AMPH: variants seen among roughly 807,000 people sequenced by gnomAD.
AMPH encodes amphiphysin (Stiff-Mann syndrome with breast cancer 128kD autoantigen).
AMPH carries 49 observed loss-of-function variants against 99.1 expected under a neutral mutation model. The ratio of observed to expected loss-of-function variants is 0.49; its 90% CI spans 0.39 to 0.63. The LOEUF (loss-of-function observed/expected upper bound fraction) is 0.63. AMPH is among the 20% of genes least tolerant of loss of function. AMPH has a pLI of 0.00. For synonymous variants in AMPH, 314 were observed against 317.3 expected (o/e 0.99, Z 0.11); for missense variants, 759 against 863.4 (o/e 0.88, Z 1.52).
chr7:38,506,946 A>T (rs1789349928), intron 2 of AMPH, among the ~76,000 whole-genome samples: 1 of 152,188 alleles, frequency 6.6e-6, no homozygotes, highest in African/African-American at 2.4e-5. Context: ...ACCCAGAAGG[A>T]TGTGTTCCCT....
chr7:38,578,767 C>T (rs1792337534), intron 1 of AMPH, among the ~76,000 whole-genome samples: 1 of 152,080 alleles, frequency 6.6e-6, no homozygotes, highest in African/African-American at 2.4e-5. Flanking sequence ...GACCCTGTTT[C>T]TAAAAAATAC....
intron 2 of AMPH, among the ~76,000 whole-genome samples, chr7:38,516,516 T>A (rs1040673550): frequency 6.6e-6 from 1 of 152,188 alleles, no homozygotes; most frequent in South Asian, 2.1e-4. Context: ...TTTCAGAGGA[T>A]GTATGGAAAC....
chr7:38,609,606 T>G (rs1234445136), intron 1 of AMPH, among the ~76,000 whole-genome samples: 2 of 152,094 alleles, frequency 1.3e-5, no homozygotes, highest in African/African-American at 4.8e-5. Flanking sequence ...AACCAAGAGG[T>G]GCTAAGCAGA....
Position 38,557,062 on chromosome 7 carries a change from C to T in AMPH, c.70-22051G>A, listed in dbSNP as rs563113526. Reference sequence around the variant, plus strand: ...AGCAACAGGGATCCCTTGAGGAGGACAAGGGGATGATATGGTCCAGGACAG... The same window carrying T: ...AGCAACAGGGATCCCTTGAGGAGGATAAGGGGATGATATGGTCCAGGACAG... On this transcript the variant is annotated intron_variant, in intron 1 of 20. Transcript: ENST00000356264. 1.9e-4 allele frequency among the ~76,000 whole-genome samples: 29 copies of T among 152,146 alleles called. 1 individual carries two copies. In the South Asian group the frequency reaches 5.6e-3, roughly 29 times the overall value.
At chr7:38,607,016 C>T (rs552054307) in intron 1 of AMPH, among the ~76,000 whole-genome samples, 1 of 152,190 alleles carries the variant, frequency 6.6e-6, no homozygotes, top group South Asian at 2.1e-4. Flanking sequence ...CATTCAAGTC[C>T]GAGTTTTTGT....
intron 17 of AMPH, among the ~76,000 whole-genome samples, chr7:38,396,863 G>A (rs962840562): frequency 1.4e-4 from 22 of 152,294 alleles, no homozygotes; most frequent in Middle Eastern, 3.4e-3. Flanking sequence ...ATTTCTCTAC[G>A]ACACTAAGGA....
At chr7:38,428,349 C>T (rs1448993026) in intron 14 of AMPH, 1 of 456,510 alleles carries the variant, frequency 2.2e-6, no homozygotes, top group Non-Finnish European at 4.4e-6. Flanking sequence ...TCTTTCAGAC[C>T]CTTCTATTAG....
In AMPH at chr7:38,476,864, T is replaced by C; in HGVS notation, c.502A>G (p.Lys168Glu). Residue 168 changes from lysine (K) to glutamate (E), a missense_variant and splice_region_variant, in exon 6 of 21, where the codon AAG (lysine) becomes GAG (glutamate). Transcript: ENST00000356264. ...TTCACCATGGGCTCAATCCCTACCT[T>C]AGAGATTCGACTCTCATCCTTCCTC... ...SKRKDESRIS[K>E]AEEEFQKAQK... 1 of 1,612,930 alleles carries C rather than the reference T, an allele frequency of 6.2e-7. No individual in the cohort carries two copies. The highest frequency in any genetic ancestry group is 8.5e-7 in the Non-Finnish European group (1 of 1,179,080).
chr7:38,560,866 G>T (rs1457921945), intron 1 of AMPH, among the ~76,000 whole-genome samples: 4 of 152,208 alleles, frequency 2.6e-5, no homozygotes, highest in African/African-American at 9.6e-5. Context: ...GGGTGAGGCT[G>T]AAGTCTGGCT....
Position 38,417,857 on chromosome 7 carries a change from T to C in AMPH, c.1366A>G (p.Thr456Ala), listed in dbSNP as rs1483153935. The C allele has an allele frequency of 2.8e-5, 45 of 1,613,980 alleles. No individual in the cohort carries two copies. The highest frequency in any genetic ancestry group is 3.6e-5 in the Non-Finnish European group (42 of 1,179,998). ...TCCTCCACTGGCTCCTCAGCCCGAGTGTCCATTCCAAGGTCCAGACCAACG... is the reference window on the plus strand; with the variant it reads ...TCCTCCACTGGCTCCTCAGCCCGAGCGTCCATTCCAAGGTCCAGACCAACG... Reference protein sequence around the residue: ...PAVGLDLGMDTRAEEPVEEAV... With the variant: ...PAVGLDLGMDARAEEPVEEAV... The change falls in exon 17 of 21, where the codon ACT becomes GCT. Residue 456 changes from threonine (T) to alanine (A), a missense_variant. Physicochemically the swap from Thr to Ala is moderately conservative, Grantham distance 58 (BLOSUM62 0). Coordinates refer to ENST00000356264, the MANE Select transcript of AMPH (RefSeq NM_001635.4).
At chr7:38,543,324 G>A (rs1433342828) in intron 1 of AMPH, among the ~76,000 whole-genome samples, 2 of 152,196 alleles carry the variant, frequency 1.3e-5, no homozygotes, top group Non-Finnish European at 2.9e-5. Context: ...GACTCAGGTA[G>A]AACAGAAATT....
At chr7:38,620,297 C>G (rs920135133) in intron 1 of AMPH, among the ~76,000 whole-genome samples, 2 of 151,476 alleles carry the variant, frequency 1.3e-5, no homozygotes, top group Non-Finnish European at 2.9e-5. Context: ...CTGCCCCACC[C>G]CCGTGTACAT....
chr7:38,486,563 G>A lies in AMPH; in HGVS notation c.396+4487C>T, dbSNP rs986588766. On this transcript the variant is annotated intron_variant, in intron 5 of 20. Transcript: ENST00000356264. ...GCTCTTCCAAAAAGATTGCAGGGGAGAGAACACTTCAAACCTCATTTTCTA... is the reference window on the plus strand; with the variant it reads ...GCTCTTCCAAAAAGATTGCAGGGGAAAGAACACTTCAAACCTCATTTTCTA... Among the ~76,000 whole-genome samples the A allele has an allele frequency of 2.0e-5, 3 of 152,144 alleles. No homozygotes were observed. The South Asian group carries it at 6.2e-4, about 32-fold the overall frequency.
At chr7:38,577,109 T>C (rs1190006525) in intron 1 of AMPH, among the ~76,000 whole-genome samples, 6 of 152,206 alleles carry the variant, frequency 3.9e-5, no homozygotes, top group African/African-American at 1.4e-4. Flanking sequence ...CAGAAATAGA[T>C]GTTTATGTAG....
intron 1 of AMPH, among the ~76,000 whole-genome samples, chr7:38,617,769 C>T (rs1041016156): frequency 3.3e-5 from 5 of 152,002 alleles, no homozygotes; most frequent in Non-Finnish European, 7.4e-5. Flanking sequence ...AAGTTACAGG[C>T]ACCCAGAAAA....
intron 2 of AMPH, 23 bp from the exon 3 acceptor site, chr7:38,503,727 C>A: frequency 1.2e-6 from 2 of 1,610,310 alleles, no homozygotes; most frequent in Non-Finnish European, 1.7e-6. Flanking sequence ...AGCACAGATG[C>A]TAAATATCTA....
At chr7:38,629,459 T>G (rs944716673) in intron 1 of AMPH, among the ~76,000 whole-genome samples, 1 of 152,166 alleles carries the variant, frequency 6.6e-6, no homozygotes, top group Non-Finnish European at 1.5e-5. Context: ...CATCCACAAC[T>G]GCAGTCATAA....
At chr7:38,628,099 T>G (rs1325781992) in intron 1 of AMPH, among the ~76,000 whole-genome samples, 1 of 152,196 alleles carries the variant, frequency 6.6e-6, no homozygotes, top group Non-Finnish European at 1.5e-5. Flanking sequence ...GATAAAGTTT[T>G]TGCCCTTACT....
intron 1 of AMPH, among the ~76,000 whole-genome samples, chr7:38,587,941 T>C (rs1223362616): frequency 2.0e-5 from 3 of 148,896 alleles, no homozygotes; most frequent in South Asian, 2.1e-4. Context: ...TGTGTGTGTG[T>C]GTGTGTGTGC....
Sources: allele counts gnomAD v4.1 joint callset (sites outside exome capture counted in the v4.1 genomes callset), GRCh38; gene constraint gnomAD v4.1.1; transcripts MANE v1.5; gene names NCBI Gene and HGNC (gene_info 2026-07-23, HGNC 2026-07-21).